The following PPP2R2D variants were observed in gnomAD, a reference collection of about 807,000 sequenced individuals.
The protein encoded by PPP2R2D is serine/threonine-protein phosphatase 2A 55 kDa regulatory subunit B delta isoform.
PPP2R2D carries 9 observed loss-of-function variants against 31.1 expected under a neutral mutation model. That is an observed-to-expected ratio of 0.29 (90% CI 0.17 to 0.51). The LOEUF is 0.51. PPP2R2D is among the 20% of genes least tolerant of loss of function. PPP2R2D has a pLI of 0.98. For synonymous variants in PPP2R2D, 179 were observed against 172.6 expected (o/e 1.04, Z -0.29); for missense variants, 391 against 465.6 (o/e 0.84, Z 1.48).
chr10:131,956,553 G>T lies in PPP2R2D; in HGVS notation c.*590G>T, dbSNP rs2036803961. On this transcript the variant is annotated 3_prime_UTR_variant, in exon 9 of 9. Coordinates refer to ENST00000455566, the MANE Select transcript of PPP2R2D (RefSeq NM_018461.5). ...TATAAAGTGTTTTTAAATCCAAACA[G>T]AAGTATTGTCTTTTTATTTAATTTT... 1 of 985,196 alleles carries T rather than the reference G, an allele frequency of 1.0e-6. No homozygotes were observed. Among genetic ancestry groups the T allele is most frequent in the South Asian group, 4.7e-5 (1 of 21,282 alleles). The allele number at this position is 985,196 out of a possible 1,614,324, so 61.0% of individuals were successfully genotyped here.
chr10:131,947,107 G>A lies in PPP2R2D; in HGVS notation c.821-423G>A, dbSNP rs1383225329. Among the ~76,000 whole-genome samples, 1 of 152,190 alleles carries A rather than the reference G, an allele frequency of 6.6e-6. No homozygotes were observed. Among genetic ancestry groups the A allele is most frequent in the Admixed American group, 6.5e-5 (1 of 15,284 alleles). On this transcript the variant is annotated intron_variant, in intron 7 of 8. Transcript: ENST00000455566. The surrounding 1 kb of genome is among the most constrained non-coding windows in gnomAD (Gnocchi z 4.3). The stretch of plus-strand genomic sequence containing the variant: ...TGCTGTTTGTGTCTTCCTGTGATGT[G>A]TATGCGATAGAATTTCACGTGCTCG...
intron 3 of PPP2R2D, among the ~76,000 whole-genome samples, chr10:131,935,771 C>T (rs2036328609): frequency 6.6e-6 from 1 of 152,168 alleles, no homozygotes; most frequent in Admixed American, 6.5e-5. Context: ...TACTTAAGAA[C>T]CATATACCTT....
chr10:131,953,319 G>A (rs1175090209), intron 8 of PPP2R2D, among the ~76,000 whole-genome samples: 14 of 96,414 alleles, frequency 1.5e-4, no homozygotes, highest in African/African-American at 4.6e-4. Context: ...ACTTGCAGGT[G>A]TGCGGGGGTT....
intron 8 of PPP2R2D, among the ~76,000 whole-genome samples, chr10:131,953,781 G>C (rs1554899481): frequency 6.6e-6 from 1 of 150,410 alleles, no homozygotes; most frequent in Non-Finnish European, 1.5e-5. Flanking sequence ...GTGTGCGGGG[G>C]GTTCACTGTC....
chr10:131,917,173 A>G (rs1554893268), intron 2 of PPP2R2D, among the ~76,000 whole-genome samples: 3 of 101,658 alleles, frequency 3.0e-5, no homozygotes, highest in African/African-American at 1.1e-4. Context: ...GGGTGGAATG[A>G]CACAGCGTTT....
intron 2 of PPP2R2D, among the ~76,000 whole-genome samples, chr10:131,901,791 C>T (rs1447682644): frequency 1.3e-5 from 2 of 152,118 alleles, no homozygotes; most frequent in East Asian, 1.9e-4. Context: ...CCTCGGCCCC[C>T]ACCAGGCTCT....
At chr10:131,909,047 AG>A (rs2035642618) in intron 2 of PPP2R2D, among the ~76,000 whole-genome samples, 1 of 152,248 alleles carries the variant, frequency 6.6e-6, no homozygotes, top group African/African-American at 2.4e-5. Flanking sequence ...AGAAGTACCC[AG>A]TACACAGACT....
rs782141589 is a variant in PPP2R2D at position 131,916,329 on chromosome 10, G to GA, written c.100+15000dup. Among the ~76,000 whole-genome samples the GA allele has an allele frequency of 2.0e-3, 217 of 108,610 alleles. 1 individual carries two copies. Among genetic ancestry groups the GA allele is most frequent in the African/African-American group, 5.3e-3 (141 of 26,616 alleles). The allele number at this position is 108,610 out of a possible 152,430, so 71.3% of individuals were successfully genotyped here. ...TGACACCCAGGTTGGCATAGATTGG[G>GA]ATTTTTTTTTTTTTTTTGAGGTCTA... is the stretch of plus-strand genomic sequence containing the variant. On this transcript the variant is annotated intron_variant, in intron 2 of 8. Coordinates refer to ENST00000455566, the MANE Select transcript of PPP2R2D (RefSeq NM_018461.5).
At chr10:131,917,970 G>A (rs1413520846) in intron 2 of PPP2R2D, among the ~76,000 whole-genome samples, 6 of 142,768 alleles carry the variant, frequency 4.2e-5, no homozygotes, top group African/African-American at 1.3e-4. Context: ...ACCTCACACG[G>A]GTGGAATGAC....
Position 131,956,453 on chromosome 10 carries a change from G to A in PPP2R2D, c.*490G>A. On this transcript the variant is annotated 3_prime_UTR_variant, in exon 9 of 9. Coordinates refer to ENST00000455566, the MANE Select transcript of PPP2R2D (RefSeq NM_018461.5). Reference sequence around the variant, plus strand: ...GGATGTGTGGATGTGGCCCGAGCAGGCTCAGGCGGCCCCACTCACCCACAG... The same window carrying A: ...GGATGTGTGGATGTGGCCCGAGCAGACTCAGGCGGCCCCACTCACCCACAG... 1.0e-6 allele frequency: 1 copy of A among 985,626 alleles called. No homozygotes were observed. The allele number at this position is 985,626 out of a possible 1,614,324, so 61.1% of individuals were successfully genotyped here.
chr10:131,947,695 A>G lies in PPP2R2D; in HGVS notation c.986A>G (p.His329Arg), dbSNP rs782767004. The part of the protein sequence containing the change: ...LNMESRPVET[H>R]QVHEYLRSKL... ...ATGGAGAGCAGGCCGGTGGAGACCC[A>G]CCAGGTCCACGAGTACCTGCGCAGC... is the stretch of plus-strand genomic sequence containing the variant. Residue 329 changes from histidine to arginine, a missense_variant, in exon 8 of 9, where the codon CAC becomes CGC. By Grantham distance (29) the His-to-Arg change is conservative. This residue lies in a region of PPP2R2D where 163 missense variants were observed against 179.5 expected (regional missense o/e 0.91). Transcript: ENST00000455566. The surrounding 1 kb of genome is among the most constrained non-coding windows in gnomAD (Gnocchi z 4.3). 6.2e-7 allele frequency: 1 copy of G among 1,614,184 alleles called. No homozygotes were observed. The highest frequency in any genetic ancestry group is 2.2e-5 in the East Asian group (1 of 44,876).
chr10:131,935,404 ATTT>A (rs1225183957), intron 3 of PPP2R2D, among the ~76,000 whole-genome samples: 1 of 152,070 alleles, frequency 6.6e-6, no homozygotes, highest in Non-Finnish European at 1.5e-5. Flanking sequence ...TGGTCTCTAA[ATTT>A]GTGTGACGAA....
chr10:131,960,840 T>G (rs1207896267), downstream of PPP2R2D, among the ~76,000 whole-genome samples: 1 of 151,746 alleles, frequency 6.6e-6, no homozygotes, highest in African/African-American at 2.4e-5. Flanking sequence ...CCAGCAGGAG[T>G]CCGGGCTGTG....
chr10:131,906,247 A>G (rs2035581264), intron 2 of PPP2R2D, among the ~76,000 whole-genome samples: 1 of 152,192 alleles, frequency 6.6e-6, no homozygotes, highest in African/African-American at 2.4e-5. Flanking sequence ...GGAGGGTCTT[A>G]TATTGAACCT....
At chr10:131,928,864 A>G (rs944158317) in intron 2 of PPP2R2D, among the ~76,000 whole-genome samples, 23 of 152,390 alleles carry the variant, frequency 1.5e-4, no homozygotes, top group South Asian at 1.2e-3. Flanking sequence ...CAGACGGGTC[A>G]GGAGACATTG....
intron 5 of PPP2R2D, among the ~76,000 whole-genome samples, chr10:131,942,029 G>A (rs1416078781): frequency 6.6e-6 from 1 of 152,160 alleles, no homozygotes; most frequent in South Asian, 2.1e-4. Flanking sequence ...ACAGTAACAC[G>A]AGTTGTGCAG....
the PPP2R2D span, among the ~76,000 whole-genome samples, chr10:131,965,290 C>T: frequency 6.6e-6 from 1 of 152,162 alleles, no homozygotes; most frequent in African/African-American, 2.4e-5. Context: ...GAGCATGCAC[C>T]CGCAGAGACA....
downstream of PPP2R2D, among the ~76,000 whole-genome samples, chr10:131,962,860 AGTT>A (rs1489457150): frequency 6.6e-6 from 1 of 152,100 alleles, no homozygotes; most frequent in Non-Finnish European, 1.5e-5. Context: ...CTTGCCTTGG[AGTT>A]GTTAGAAAAT....
chr10:131,953,675 G>A (rs191784615), intron 8 of PPP2R2D, among the ~76,000 whole-genome samples: 62 of 117,548 alleles, frequency 5.3e-4, no homozygotes, highest in African/African-American at 2.0e-3. Context: ...TGTGCGGGGG[G>A]TTCACTGTCT....
Sources: allele counts gnomAD v4.1 joint callset (sites outside exome capture counted in the v4.1 genomes callset), GRCh38; gene constraint gnomAD v4.1.1; regional missense constraint gnomAD v4.1.1; non-coding constraint Gnocchi (gnomAD v3.1); transcripts MANE v1.5; gene names NCBI Gene and HGNC (gene_info 2026-07-23, HGNC 2026-07-21).